KDM4D: variants seen among roughly 807,000 people sequenced by gnomAD.
The protein encoded by KDM4D is lysine demethylase 4D, also known as lysine-specific demethylase 4D.
For synonymous variants in KDM4D, 254 were observed against 249.1 expected (o/e 1.02, Z -0.19); for missense variants, 427 against 674.8 (o/e 0.63, Z 4.07).
intron 2 of KDM4D, among the ~76,000 whole-genome samples, chr11:94,987,464 CA>C (rs1254078917): frequency 2.0e-5 from 3 of 152,134 alleles, no homozygotes; most frequent in Non-Finnish European, 4.4e-5. Flanking sequence ...AGGAGATAAA[CA>C]TATAAATGTA....
chr11:94,997,668 G>C lies in KDM4D; in HGVS notation c.296G>C (p.Gly99Ala), dbSNP rs782401414. Residue 99 changes from glycine to alanine, a missense_variant, in exon 3 of 3, where the codon GGG (glycine) becomes GCG (alanine). Coordinates refer to ENST00000335080, the MANE Select transcript of KDM4D (RefSeq NM_018039.3). ...AAAAAAAAGAAAGCCATGACTGTGG[G>C]GGAGTATCGCCATTTGGCAAACAGT... Reference protein sequence around the residue: ...YHKKKKAMTVGEYRHLANSKK... With the variant: ...YHKKKKAMTVAEYRHLANSKK... 5.6e-5 allele frequency: 91 copies of C among 1,614,082 alleles called. 1 individual carries two copies. In the South Asian group the frequency reaches 9.8e-4, roughly 17 times the overall value.
chr11:94,992,283 A>G (rs1555098775), intron 2 of KDM4D, among the ~76,000 whole-genome samples: 1 of 152,040 alleles, frequency 6.6e-6, no homozygotes, highest in African/African-American at 2.4e-5. Context: ...AAAAACTATT[A>G]ACATATCTAA....
chr11:94,978,699 A>C (rs1290406766), intron 2 of KDM4D, among the ~76,000 whole-genome samples: 1 of 152,212 alleles, frequency 6.6e-6, no homozygotes, highest in African/African-American at 2.4e-5. Context: ...AAAATAGTTA[A>C]AACTAAAAAA....
chr11:94,977,224 C>T (rs1271291516), intron 2 of KDM4D, among the ~76,000 whole-genome samples: 5 of 152,100 alleles, frequency 3.3e-5, no homozygotes, highest in East Asian at 3.8e-4. Context: ...TTACAGCATC[C>T]GATTGGCAAC....
intron 2 of KDM4D, among the ~76,000 whole-genome samples, chr11:94,984,693 TAAAAA>T (rs35239329): frequency 1.1e-5 from 1 of 87,778 alleles, no homozygotes. Context: ...CCATCTCTAC[TAAAAA>T]AAAAAAAAAA....
chr11:94,986,882 T>G (rs1180754989), intron 2 of KDM4D, among the ~76,000 whole-genome samples: 1 of 152,244 alleles, frequency 6.6e-6, no homozygotes, highest in African/African-American at 2.4e-5. Context: ...ATAACAGTAT[T>G]ATTCGTAATA....
intron 2 of KDM4D, among the ~76,000 whole-genome samples, chr11:94,990,530 G>T (rs915474939): frequency 1.3e-5 from 2 of 152,192 alleles, no homozygotes; most frequent in South Asian, 2.1e-4. Context: ...TAAAGATGTG[G>T]TTTAAACACA....
At chr11:94,995,312 G>GT (rs1296868970) in intron 2 of KDM4D, among the ~76,000 whole-genome samples, 2 of 152,168 alleles carry the variant, frequency 1.3e-5, no homozygotes, top group African/African-American at 4.8e-5. Context: ...TTAGTTGTGA[G>GT]TTTTGAATAG....
intron 2 of KDM4D, among the ~76,000 whole-genome samples, chr11:94,992,866 T>G (rs1469340305): frequency 6.6e-6 from 1 of 152,228 alleles, no homozygotes; most frequent in African/African-American, 2.4e-5. Flanking sequence ...AAATATATTA[T>G]GCTTATAAAT....
intron 2 of KDM4D, among the ~76,000 whole-genome samples, chr11:94,981,637 A>T (rs1857843852): frequency 6.6e-6 from 1 of 151,912 alleles, no homozygotes; most frequent in African/African-American, 2.4e-5. Flanking sequence ...AAAGTTGTTT[A>T]TACTTCTTTG....
At position 94,998,956 on chromosome 11, in the gene KDM4D, G is replaced by A; in HGVS notation, c.*12G>A. 1 of 1,503,518 alleles carries A rather than the reference G, an allele frequency of 6.7e-7. No individual in the cohort carries two copies. Among genetic ancestry groups the A allele is most frequent in the Non-Finnish European group, 8.9e-7 (1 of 1,125,828 alleles). 93.1% of individuals were successfully genotyped at this position (1,503,518 alleles called of 1,614,324 possible). ...CCCCTGTGCCCTAAGTCCACGGGCT[G>A]TCTTTATATCCCACTGCCCTGCTGT... On this transcript the variant is annotated 3_prime_UTR_variant, in exon 3 of 3. Coordinates refer to ENST00000335080, the MANE Select transcript of KDM4D (RefSeq NM_018039.3). This position sits in a 1 kb window ranked among gnomAD's most constrained non-coding sequence, Gnocchi z 6.7.
At chr11:94,985,482 A>T (rs1857877669) in intron 2 of KDM4D, among the ~76,000 whole-genome samples, 1 of 152,224 alleles carries the variant, frequency 6.6e-6, no homozygotes, top group Non-Finnish European at 1.5e-5. Flanking sequence ...AGAAAACTTA[A>T]TATTATTAAG....
At chr11:94,991,928 A>G (rs1857938386) in intron 2 of KDM4D, among the ~76,000 whole-genome samples, 1 of 152,102 alleles carries the variant, frequency 6.6e-6, no homozygotes. Flanking sequence ...TAAACAACAC[A>G]CATAATGAAC....
At chr11:94,983,758 A>G (rs1281809740) in intron 2 of KDM4D, among the ~76,000 whole-genome samples, 1 of 152,178 alleles carries the variant, frequency 6.6e-6, no homozygotes, top group African/African-American at 2.4e-5. Context: ...TAATAAAATA[A>G]AAGGAGATAA....
At chr11:94,990,213 C>T (rs1555098510) in intron 2 of KDM4D, among the ~76,000 whole-genome samples, 2 of 152,150 alleles carry the variant, frequency 1.3e-5, no homozygotes, top group Admixed American at 1.3e-4. Flanking sequence ...AGCTGCTTGT[C>T]AAGTAAGACA....
In KDM4D at chr11:94,999,003, T is replaced by C; in HGVS notation, c.*59T>C. 6.9e-7 allele frequency: 1 copy of C among 1,439,392 alleles called. No homozygotes were observed. The highest frequency in any genetic ancestry group is 9.2e-7 in the Non-Finnish European group (1 of 1,090,046). The allele number at this position is 1,439,392 out of a possible 1,614,324, so 89.2% of individuals were successfully genotyped here. On this transcript the variant is annotated 3_prime_UTR_variant, in exon 3 of 3. Coordinates refer to ENST00000335080, the MANE Select transcript of KDM4D (RefSeq NM_018039.3). ...CTGTGTGACAGTTTGATGAAACTGGTTACATTTACATCCCAAAACTTTGGT... is the reference window on the plus strand; with the variant it reads ...CTGTGTGACAGTTTGATGAAACTGGCTACATTTACATCCCAAAACTTTGGT...
intron 2 of KDM4D, among the ~76,000 whole-genome samples, chr11:94,989,951 G>GTTTCACCATGTTGGCCAGAC (rs1357148562): frequency 3.3e-5 from 5 of 151,914 alleles, no homozygotes; most frequent in African/African-American, 1.2e-4. Flanking sequence ...TAGAGACAGG[G>GTTTCACCATGTTGGCCAGAC]TTTCACCATG....
Position 94,975,033 on chromosome 11 carries a change from T to C in KDM4D, c.-444-621T>C, listed in dbSNP as rs189446428. Among the ~76,000 whole-genome samples, 183 of 152,318 alleles carry C rather than the reference T, an allele frequency of 1.2e-3. 1 individual carries two copies. Among genetic ancestry groups the C allele is most frequent in the Non-Finnish European group, 2.4e-3 (164 of 68,018 alleles). On this transcript the variant is annotated intron_variant, in intron 1 of 2. Coordinates refer to ENST00000335080, the MANE Select transcript of KDM4D (RefSeq NM_018039.3). Reference sequence around the variant, plus strand: ...CTGGTTCCTGCCTACCTTCCAGACTTCACTTCCAATCAGTCACTCGCTTAC... The same window carrying C: ...CTGGTTCCTGCCTACCTTCCAGACTCCACTTCCAATCAGTCACTCGCTTAC...
At chr11:94,989,690 G>A (rs1420593077) in intron 2 of KDM4D, among the ~76,000 whole-genome samples, 6 of 150,562 alleles carry the variant, frequency 4.0e-5, no homozygotes, top group African/African-American at 1.5e-4. Context: ...ATTGGCATTT[G>A]TAGGCACAAA....
Sources: gnomAD v4.1 joint callset for allele counts (sites outside exome capture counted in the v4.1 genomes callset) on GRCh38, gnomAD v4.1.1 for gene constraint, Gnocchi (gnomAD v3.1) non-coding constraint, MANE v1.5 for transcripts, NCBI Gene and HGNC (gene_info 2026-07-23, HGNC 2026-07-21) for gene names.